The following ALDH18A1 variants were observed in gnomAD, a reference collection of about 807,000 sequenced individuals.
ALDH18A1 encodes delta-1-pyrroline-5-carboxylate synthase.
A neutral mutation model predicts 88.8 loss-of-function variants in ALDH18A1; 44 were observed. The ratio of observed to expected loss-of-function variants is 0.50; its 90% CI spans 0.39 to 0.64. The LOEUF is 0.64. Among genes scored for constraint, ALDH18A1 ranks in the 30% least tolerant of loss-of-function variants. ALDH18A1 has a pLI of 0.00. For synonymous variants in ALDH18A1, 331 were observed against 372.1 expected (o/e 0.89, Z 1.27); for missense variants, 782 against 1,009.5 (o/e 0.77, Z 3.05).
intron 16 of ALDH18A1, among the ~76,000 whole-genome samples, chr10:95,610,674 C>T (rs2097832329): frequency 6.6e-6 from 1 of 152,186 alleles, no homozygotes; most frequent in Non-Finnish European, 1.5e-5. Context: ...ACAACATGAC[C>T]TAGCTGATAG....
At chr10:95,622,345 G>A (rs1217053059) in intron 11 of ALDH18A1, among the ~76,000 whole-genome samples, 2 of 152,010 alleles carry the variant, frequency 1.3e-5, no homozygotes, top group African/African-American at 4.8e-5. Flanking sequence ...CTACAGGCAC[G>A]TATCACCATG....
At chr10:95,616,669 G>C in intron 12 of ALDH18A1, 55 bp from the exon 13 acceptor site, 1 of 1,570,886 alleles carries the variant, frequency 6.4e-7, no homozygotes, top group Non-Finnish European at 8.7e-7. Context: ...AATAGCAACA[G>C]TGATGTTAGC....
At chr10:95,613,564 G>A (rs755346009) in intron 15 of ALDH18A1, among the ~76,000 whole-genome samples, 178 bp downstream of exon 15, 5 of 152,156 alleles carry the variant, frequency 3.3e-5, no homozygotes, top group African/African-American at 9.7e-5. Flanking sequence ...GGTTTGGTTC[G>A]ACTACTAGAG....
At chr10:95,639,063 CAAT>C (rs926114372) in intron 3 of ALDH18A1, among the ~76,000 whole-genome samples, 6 of 151,904 alleles carry the variant, frequency 3.9e-5, no homozygotes, top group African/African-American at 1.5e-4. Flanking sequence ...CTGGCCCCGA[CAAT>C]AATATTTTAT....
intron 7 of ALDH18A1, among the ~76,000 whole-genome samples, chr10:95,632,581 C>T (rs941490445): frequency 1.3e-5 from 2 of 152,178 alleles, no homozygotes; most frequent in African/African-American, 4.8e-5. Flanking sequence ...CCAGGTTGAT[C>T]TTGAATTCCT....
At chr10:95,625,479 AAAAACAGAG>A (rs1246800533) in intron 10 of ALDH18A1, 24 bp from the exon 11 acceptor site, 38 of 1,591,972 alleles carry the variant, frequency 2.4e-5, no homozygotes, top group Non-Finnish European at 3.2e-5. Context: ...ACACCATTAA[AAAAACAGAG>A]ATGTTAATCC....
At chr10:95,643,446 G>A (rs1181395249) in intron 2 of ALDH18A1, among the ~76,000 whole-genome samples, 2 of 152,176 alleles carry the variant, frequency 1.3e-5, no homozygotes, top group African/African-American at 2.4e-5. Flanking sequence ...TTGGTGAAGA[G>A]TACAAACAAA....
At chr10:95,646,674 G>A (rs1252477253) in intron 2 of ALDH18A1, among the ~76,000 whole-genome samples, 2 of 152,108 alleles carry the variant, frequency 1.3e-5, no homozygotes, top group Non-Finnish European at 2.9e-5. Flanking sequence ...GCCTTGATTA[G>A]TTAGGAAAAT....
chr10:95,656,476 T>TGCTCCGGCAGCGTCCCC (rs1221286278), intron 1 of ALDH18A1, 121 bp downstream of exon 1: 8 of 151,758 alleles, frequency 5.3e-5, no homozygotes, highest in Non-Finnish European at 1.0e-4. Flanking sequence ...CCCCGGCACC[T>TGCTCCGGCAGCGTCCCC]GCTCCGGCAG....
At chr10:95,637,022 C>T in intron 5 of ALDH18A1, 71 bp downstream of exon 5, 1 of 1,387,756 alleles carries the variant, frequency 7.2e-7, no homozygotes, top group Admixed American at 1.8e-5. Context: ...AATAGTCTGG[C>T]TCCAGACCCC....
intron 2 of ALDH18A1, among the ~76,000 whole-genome samples, chr10:95,649,253 C>T (rs1229157006): frequency 6.6e-6 from 1 of 151,992 alleles, no homozygotes; most frequent in Admixed American, 6.6e-5. Flanking sequence ...CAGTGGCTCA[C>T]ACCTGTAATT....
At chr10:95,652,571 A>C (rs2097912013) in intron 2 of ALDH18A1, among the ~76,000 whole-genome samples, 2 of 152,120 alleles carry the variant, frequency 1.3e-5, no homozygotes, top group Admixed American at 1.3e-4. Flanking sequence ...CCCTATTTCT[A>C]CTAAAAATAC....
chr10:95,630,015 C>A (rs1665292176), intron 7 of ALDH18A1, among the ~76,000 whole-genome samples: 1 of 152,020 alleles, frequency 6.6e-6, no homozygotes, highest in Non-Finnish European at 1.5e-5. Flanking sequence ...AGATTTGAAA[C>A]TGGCCTCTGT....
rs1438075235 is a variant in ALDH18A1 at position 95,628,352 on chromosome 10, G to A, written c.933+16C>T. 1.2e-6 allele frequency: 2 copies of A among 1,614,044 alleles called. No individual in the cohort carries two copies. Among genetic ancestry groups the A allele is most frequent in the South Asian group, 1.1e-5 (1 of 91,078 alleles). ...CTTTAAAATTGTTATAGGCAGTTAA[G>A]GCACCAGATTCTTACCTTGGCTTCC... On this transcript the variant is annotated intron_variant, in intron 8 of 17. Coordinates refer to ENST00000371224, the MANE Select transcript of ALDH18A1 (RefSeq NM_002860.4).
At chr10:95,617,063 A>C (rs1250154554) in intron 12 of ALDH18A1, among the ~76,000 whole-genome samples, 1 of 152,312 alleles carries the variant, frequency 6.6e-6, no homozygotes. Context: ...CCTGACCAAC[A>C]TGGTGAAACC....
intron 5 of ALDH18A1, 120 bp downstream of exon 5, chr10:95,636,973 G>A: frequency 2.1e-6 from 2 of 943,712 alleles, no homozygotes; most frequent in South Asian, 2.8e-5. Flanking sequence ...ACTTTCTTCA[G>A]ATCTCAAGTA....
At chr10:95,653,708 A>C (rs2097913878) in intron 1 of ALDH18A1, among the ~76,000 whole-genome samples, 1 of 152,232 alleles carries the variant, frequency 6.6e-6, no homozygotes, top group Non-Finnish European at 1.5e-5. Flanking sequence ...AAAATCTTTC[A>C]GGTGCAATGC....
intron 17 of ALDH18A1, among the ~76,000 whole-genome samples, chr10:95,609,767 C>CTCTTTTTTT (rs1193875091): frequency 3.3e-5 from 1 of 30,698 alleles, no homozygotes; most frequent in Non-Finnish European, 8.8e-5. Flanking sequence ...AAGTCTGTCT[C>CTCTTTTTTT]TATTTTTTTT....
At chr10:95,607,894 C>A (rs2097825821) in intron 17 of ALDH18A1, among the ~76,000 whole-genome samples, 1 of 152,048 alleles carries the variant, frequency 6.6e-6, no homozygotes. Context: ...ACAGTAGGGG[C>A]GGGATGTGCT....
Sources: allele counts gnomAD v4.1 joint callset (sites outside exome capture counted in the v4.1 genomes callset), GRCh38; gene constraint gnomAD v4.1.1; transcripts MANE v1.5; gene names NCBI Gene and HGNC (gene_info 2026-07-23, HGNC 2026-07-21).